CEP89: variants seen among roughly 807,000 people sequenced by gnomAD.
CEP89 encodes centrosomal protein of 89 kDa.
A neutral mutation model predicts 97.6 loss-of-function variants in CEP89; 95 were observed. The ratio of observed to expected loss-of-function variants is 0.97; its 90% CI spans 0.82 to 1.15. CEP89 has a LOEUF of 1.15. Ranked by LOEUF, CEP89 falls within the 50% of genes most tolerant of loss-of-function variation. CEP89 has a pLI of 0.00. For missense variants in CEP89, 869 were observed against 947.7 expected (o/e 0.92, Z 1.09); for synonymous variants, 354 against 349.1 (o/e 1.01, Z -0.16).
chr19:32,881,314 T>C (rs1438321177), intron 18 of CEP89, among the ~76,000 whole-genome samples: 4 of 150,434 alleles, frequency 2.7e-5, no homozygotes, highest in Non-Finnish European at 5.9e-5. Flanking sequence ...GTAGTAATAA[T>C]AATAATAATA....
At chr19:32,898,158 G>T (rs1338867510) in intron 16 of CEP89, among the ~76,000 whole-genome samples, 1 of 152,064 alleles carries the variant, frequency 6.6e-6, no homozygotes, top group South Asian at 2.1e-4. Context: ...AACAGATAAA[G>T]AAAATATGCT....
intron 17 of CEP89, among the ~76,000 whole-genome samples, chr19:32,885,464 G>T (rs564428588): frequency 6.6e-6 from 1 of 152,142 alleles, no homozygotes; most frequent in African/African-American, 2.4e-5. Flanking sequence ...GGGACTACAG[G>T]CATGTGCCAC....
intron 14 of CEP89, among the ~76,000 whole-genome samples, chr19:32,902,048 G>GTGTGTGTGTGTGTGTA (rs1255251867): frequency 8.0e-5 from 12 of 150,038 alleles, no homozygotes; most frequent in African/African-American, 3.0e-4. Flanking sequence ...GTGTGTGTAT[G>GTGTGTGTGTGTGTGTA]TGTGTGTATA....
intron 7 of CEP89, among the ~76,000 whole-genome samples, 181 bp from the exon 8 acceptor site, chr19:32,933,850 G>C (rs921890877): frequency 6.6e-6 from 1 of 152,330 alleles, no homozygotes; most frequent in South Asian, 2.1e-4. Context: ...CGGGTGGCAG[G>C]AAGAGAGGTA....
chr19:32,893,365 C>T (rs1047130102), intron 16 of CEP89, among the ~76,000 whole-genome samples: 16 of 152,126 alleles, frequency 1.1e-4, no homozygotes, highest in African/African-American at 3.9e-4. Context: ...CCCAACACCA[C>T]AGCATCCAGG....
At chr19:32,882,729 T>C (rs16967534) in intron 17 of CEP89, among the ~76,000 whole-genome samples, 12,368 of 152,224 alleles carry the variant, frequency 0.081, 1,569 homozygotes, top group African/African-American at 0.27. Context: ...ACAGCCTCAT[T>C]GAAGAATCCA....
At chr19:32,899,323 G>A (rs1278060786) in intron 16 of CEP89, among the ~76,000 whole-genome samples, 1 of 151,746 alleles carries the variant, frequency 6.6e-6, no homozygotes, top group African/African-American at 2.4e-5. Flanking sequence ...TTGTAGAGAT[G>A]GGTTCTCACT....
At chr19:32,930,924 C>CA (rs1393773122) in intron 9 of CEP89, among the ~76,000 whole-genome samples, 2 of 152,002 alleles carry the variant, frequency 1.3e-5, no homozygotes, top group African/African-American at 4.8e-5. Flanking sequence ...CTTGCTCTGT[C>CA]ACCCAGGCTG....
chr19:32,960,386 C>A (rs931604074), intron 2 of CEP89, among the ~76,000 whole-genome samples: 1 of 151,870 alleles, frequency 6.6e-6, no homozygotes, highest in African/African-American at 2.4e-5. Flanking sequence ...AATGGAAGAT[C>A]AGAATGGAAA....
chr19:32,919,079 G>C (rs1443496335), intron 12 of CEP89, among the ~76,000 whole-genome samples: 1 of 151,708 alleles, frequency 6.6e-6, no homozygotes, highest in Non-Finnish European at 1.5e-5. Flanking sequence ...TAGAAACAGG[G>C]TTTCACCATG....
intron 4 of CEP89, among the ~76,000 whole-genome samples, chr19:32,951,236 C>A (rs1020825679): frequency 6.6e-6 from 1 of 152,114 alleles, no homozygotes; most frequent in South Asian, 2.1e-4. Context: ...CAATGGCTCA[C>A]GCCAGTAATC....
intron 5 of CEP89, among the ~76,000 whole-genome samples, chr19:32,945,678 G>A (rs1465772534): frequency 6.6e-6 from 1 of 152,026 alleles, no homozygotes; most frequent in African/African-American, 2.4e-5. Context: ...TTTAATTTCT[G>A]GTTTTAGAGT....
intron 5 of CEP89, among the ~76,000 whole-genome samples, chr19:32,942,211 G>A (rs189851131): frequency 1.3e-3 from 198 of 152,068 alleles, no homozygotes; most frequent in African/African-American, 4.4e-3. Flanking sequence ...GCAAAACCCC[G>A]TCTCTACAAA....
At chr19:32,913,303 ATAT>A (rs370902683) in intron 14 of CEP89, among the ~76,000 whole-genome samples, 7 of 6,814 alleles carry the variant, frequency 1.0e-3, no homozygotes, top group East Asian at 4.0e-3. Flanking sequence ...ATATATATAT[ATAT>A]TTTTTTGTTG....
chr19:32,916,999 C>T (rs1471583338), intron 13 of CEP89, among the ~76,000 whole-genome samples: 2 of 152,134 alleles, frequency 1.3e-5, no homozygotes, highest in East Asian at 3.9e-4. Flanking sequence ...CAGAGTGAGA[C>T]TGTCTCAAAA....
chr19:32,937,742 C>G, intron 6 of CEP89, 69 bp from the exon 7 acceptor site: 1 of 1,093,314 alleles, frequency 9.1e-7, no homozygotes, highest in Non-Finnish European at 1.4e-6. Flanking sequence ...ACACACGCAG[C>G]TAGGTCATTA....
intron 9 of CEP89, among the ~76,000 whole-genome samples, chr19:32,930,376 G>A (rs1487771948): frequency 6.6e-6 from 1 of 151,910 alleles, no homozygotes; most frequent in African/African-American, 2.4e-5. Flanking sequence ...TGTGGTGATG[G>A]TTGCATAATT....
chr19:32,878,245 AAAAC>A lies in CEP89; in HGVS notation c.*913_*916del, dbSNP rs1198034634. On this transcript the variant is annotated 3_prime_UTR_variant, in exon 19 of 19. Transcript: ENST00000305768. ...GGGTAACAGAGTGAGACCCTGTCTCAAAACAAACAAACAAAAGTAACAACTAAAC... is the reference window on the plus strand; with the variant it reads ...GGGTAACAGAGTGAGACCCTGTCTCAAAACAAACAAAAGTAACAACTAAAC... The A allele has an allele frequency of 1.1e-4, 17 of 152,532 alleles. No individual in the cohort carries two copies. Among genetic ancestry groups the A allele is most frequent in the African/African-American group, 3.9e-4 (16 of 41,440 alleles). The allele number at this position is 152,532 out of a possible 1,614,324, so 9.4% of individuals were successfully genotyped here.
chr19:32,882,003 T>C lies in CEP89; in HGVS notation c.1976A>G (p.Lys659Arg). The change falls in exon 18 of 19, where the codon AAG (lysine) becomes AGG (arginine). Residue 659 changes from lysine to arginine, a missense_variant. Coordinates refer to ENST00000305768, the MANE Select transcript of CEP89 (RefSeq NM_032816.5). Reference protein sequence around the residue: ...KLEEKVKGYKKQAALKLGDIS... With the variant: ...KLEEKVKGYKRQAALKLGDIS... The stretch of plus-strand genomic sequence containing the variant: ...GTCCCCCAGCTTCAGTGCTGCCTGC[T>C]TCTTGTAGCCCTGGTCGGGGGAAGG... 2 of 1,572,160 alleles carry C rather than the reference T, an allele frequency of 1.3e-6. No individual in the cohort carries two copies. Among genetic ancestry groups the C allele is most frequent in the Non-Finnish European group, 1.7e-6 (2 of 1,158,546 alleles).
Sources: gnomAD v4.1 joint callset for allele counts (sites outside exome capture counted in the v4.1 genomes callset) on GRCh38, gnomAD v4.1.1 for gene constraint, MANE v1.5 for transcripts, NCBI Gene and HGNC (gene_info 2026-07-23, HGNC 2026-07-21) for gene names.